The following RPS6KA2 variants were observed in gnomAD, a reference collection of about 807,000 sequenced individuals.
RPS6KA2 encodes ribosomal protein S6 kinase A2, also known as ribosomal protein S6 kinase alpha-2.
In RPS6KA2, 42 loss-of-function variants were observed where a neutral mutation model predicts 91.8. The observed-to-expected ratio is 0.46, with a 90% CI of 0.36 to 0.59. RPS6KA2 has a LOEUF of 0.59. RPS6KA2 is among the 20% of genes least tolerant of loss of function. RPS6KA2 has a pLI of 0.00. For synonymous variants in RPS6KA2, 414 were observed against 393.6 expected, an observed-to-expected ratio of 1.05 and a Z score of -0.61; for missense variants, 798 against 978.5, an observed-to-expected ratio of 0.82 and a Z score of 2.46.
At chr6:166,546,482 CTTTT>C (rs35709035) in intron 1 of RPS6KA2, among the ~76,000 whole-genome samples, 2 of 144,396 alleles carry the variant, frequency 1.4e-5, no homozygotes, top group Non-Finnish European at 3.0e-5. Context: ...ACTGGGAAAA[CTTTT>C]TTTTTTTTTT....
chr6:166,646,296 GTCTAGACCC>G (rs755270927), intron 2 of RPS6KA2, among the ~76,000 whole-genome samples: 36 of 152,332 alleles, frequency 2.4e-4, no homozygotes, highest in Non-Finnish European at 4.4e-4. Context: ...GGAGAGGTAA[GTCTAGACCC>G]AGGTAGCAGG....
At chr6:166,641,552 C>T (rs929287412) in intron 2 of RPS6KA2, among the ~76,000 whole-genome samples, 1 of 151,012 alleles carries the variant, frequency 6.6e-6, no homozygotes, top group African/African-American at 2.4e-5. Flanking sequence ...GGCGAAACCC[C>T]ATCTCTACTA....
intron 2 of RPS6KA2, among the ~76,000 whole-genome samples, chr6:166,790,589 A>G (rs1779058054): frequency 6.6e-6 from 1 of 152,178 alleles, no homozygotes; most frequent in Non-Finnish European, 1.5e-5. Flanking sequence ...AAATGAAGGA[A>G]AAAATGTTAA....
At chr6:166,834,652 A>AT (rs749519359) in intron 2 of RPS6KA2, among the ~76,000 whole-genome samples, 2 of 152,144 alleles carry the variant, frequency 1.3e-5, no homozygotes, top group African/African-American at 2.4e-5. Flanking sequence ...TCTTTTGCCC[A>AT]TTTTTATTGG....
At chr6:166,702,827 A>G in intron 2 of RPS6KA2, 1 of 1,032,556 alleles carries the variant, frequency 9.7e-7, no homozygotes. Context: ...TTTCTGATAT[A>G]CGGTTTGTTC....
intron 2 of RPS6KA2, among the ~76,000 whole-genome samples, chr6:166,724,085 TTC>T (rs766453984): frequency 8.5e-5 from 13 of 152,218 alleles, no homozygotes; most frequent in African/African-American, 1.9e-4. Context: ...GGGTGTGGAT[TTC>T]TCTCTTTCTC....
chr6:166,838,038 C>T (rs1334183283), intron 2 of RPS6KA2, among the ~76,000 whole-genome samples: 1 of 152,262 alleles, frequency 6.6e-6, no homozygotes, highest in Non-Finnish European at 1.5e-5. Flanking sequence ...TGCATGAGCA[C>T]AGGCTCCTTG....
At chr6:166,521,835 C>G (rs1782866753) in intron 3 of RPS6KA2, among the ~76,000 whole-genome samples, 2 of 152,046 alleles carry the variant, frequency 1.3e-5, no homozygotes, top group South Asian at 4.2e-4. Context: ...TGTGTATGTT[C>G]CCCCCACTAA....
chr6:166,709,128 C>G (rs1789774736), intron 2 of RPS6KA2, among the ~76,000 whole-genome samples: 1 of 152,178 alleles, frequency 6.6e-6, no homozygotes. Flanking sequence ...GCCTCAGTTT[C>G]CTCCTCCTTA....
At chr6:166,417,620 T>C (rs886821389) in intron 19 of RPS6KA2, among the ~76,000 whole-genome samples, 5 of 148,492 alleles carry the variant, frequency 3.4e-5, no homozygotes, top group Admixed American at 6.8e-5. Context: ...TCTCTCTCTA[T>C]ACACACACAC....
intron 1 of RPS6KA2, among the ~76,000 whole-genome samples, chr6:166,573,458 C>T (rs937020172): frequency 5.9e-5 from 9 of 152,226 alleles, no homozygotes; most frequent in Non-Finnish European, 7.3e-5. Flanking sequence ...TGCAGGAAGA[C>T]GTACTGCTGT....
At chr6:166,464,253 C>T (rs747867295) in intron 11 of RPS6KA2, among the ~76,000 whole-genome samples, 1 of 152,198 alleles carries the variant, frequency 6.6e-6, no homozygotes, top group African/African-American at 2.4e-5. Flanking sequence ...TCAGGGCACA[C>T]CCCACGCGCT....
chr6:166,831,090 G>A (rs1016651032), intron 2 of RPS6KA2, among the ~76,000 whole-genome samples: 3 of 152,094 alleles, frequency 2.0e-5, no homozygotes, highest in African/African-American at 7.2e-5. Context: ...GTGGCAGGGG[G>A]TATTGGGTCC....
intron 2 of RPS6KA2, among the ~76,000 whole-genome samples, chr6:166,842,127 C>T (rs1253202175): frequency 2.0e-5 from 3 of 152,200 alleles, no homozygotes; most frequent in Non-Finnish European, 2.9e-5. Flanking sequence ...AAAGCAGGTT[C>T]TCTCGCAAAG....
intron 2 of RPS6KA2, among the ~76,000 whole-genome samples, chr6:166,779,360 T>G (rs568510051): frequency 6.6e-6 from 1 of 152,230 alleles, no homozygotes; most frequent in Non-Finnish European, 1.5e-5. Context: ...CTGAGTCTCA[T>G]GGACTGAATT....
chr6:166,486,267 CACAT>C (rs1312518977), intron 10 of RPS6KA2, among the ~76,000 whole-genome samples: 11 of 62,066 alleles, frequency 1.8e-4, no homozygotes, highest in African/African-American at 6.5e-4. Context: ...CACACACACA[CACAT>C]GTGCACGCAC....
chr6:166,551,123 T>C (rs1784009751), intron 1 of RPS6KA2, among the ~76,000 whole-genome samples: 1 of 152,126 alleles, frequency 6.6e-6, no homozygotes, highest in Non-Finnish European at 1.5e-5. Context: ...TATGAAGGGT[T>C]CAATTTTTTT....
rs1229139574 is a variant in RPS6KA2 at position 166,433,692 on chromosome 6, G to A, written c.1333-1202C>T. Among the ~76,000 whole-genome samples, 1 of 152,088 alleles carries A rather than the reference G, an allele frequency of 6.6e-6. No individual in the cohort carries two copies. Among genetic ancestry groups the A allele is most frequent in the Non-Finnish European group, 1.5e-5 (1 of 67,996 alleles). ...AGTCATTTTACTACTAGAATATGAG[G>A]GTGACTTGCTTTTAACTTCTATCAT... On this transcript the variant is annotated intron_variant, in intron 14 of 20. Transcript: ENST00000265678. This position sits in a 1 kb window ranked among gnomAD's most constrained non-coding sequence, Gnocchi z 4.4.
At chr6:166,431,175 G>C (rs527328286) in intron 15 of RPS6KA2, among the ~76,000 whole-genome samples, 111 of 152,314 alleles carry the variant, frequency 7.3e-4, no homozygotes, top group Middle Eastern at 6.8e-3. Flanking sequence ...TGATCCGCCT[G>C]CCTCAGCCTC....
Sources: gnomAD v4.1 joint callset for allele counts (sites outside exome capture counted in the v4.1 genomes callset) on GRCh38, gnomAD v4.1.1 for gene constraint, Gnocchi (gnomAD v3.1) non-coding constraint, MANE v1.5 for transcripts, NCBI Gene and HGNC (gene_info 2026-07-23, HGNC 2026-07-21) for gene names.